Variants in TSHZ2 observed in about 807,000 individuals in gnomAD.
TSHZ2 encodes teashirt zinc finger homeobox 2.
A neutral mutation model predicts 74.4 loss-of-function variants in TSHZ2; 21 were observed. That is an observed-to-expected ratio of 0.28 (90% CI 0.20 to 0.41). The LOEUF is 0.41. Among genes scored for constraint, TSHZ2 ranks in the 10% least tolerant of loss-of-function variants. TSHZ2 has a pLI of 1.00. For synonymous variants in TSHZ2, 540 were observed against 515.3 expected (o/e 1.05, Z -0.65); for missense variants, 1,244 against 1,293.5 (o/e 0.96, Z 0.59).
At chr20:53,343,112 G>T (rs529253514) in intron 2 of TSHZ2, among the ~76,000 whole-genome samples, 1 of 151,682 alleles carries the variant, frequency 6.6e-6, no homozygotes, top group Non-Finnish European at 1.5e-5. Context: ...GATTACAGGC[G>T]TGTGCCACCA....
chr20:53,298,296 A>G (rs920910495), intron 2 of TSHZ2, among the ~76,000 whole-genome samples: 1 of 152,224 alleles, frequency 6.6e-6, no homozygotes, highest in Non-Finnish European at 1.5e-5. Flanking sequence ...CGTAAACAAA[A>G]ATAAACACAA....
At chr20:53,397,019 A>G (rs1039610678) in intron 2 of TSHZ2, among the ~76,000 whole-genome samples, 57 of 152,136 alleles carry the variant, frequency 3.7e-4, no homozygotes, top group African/African-American at 1.4e-3. Context: ...AACCATAAAA[A>G]CCCTAGAAGA....
At chr20:53,236,927 C>T (rs776980265) in intron 1 of TSHZ2, among the ~76,000 whole-genome samples, 1 of 152,140 alleles carries the variant, frequency 6.6e-6, no homozygotes, top group Non-Finnish European at 1.5e-5. Context: ...CTAATCAATT[C>T]CTCCCACAAG....
intron 1 of TSHZ2, among the ~76,000 whole-genome samples, chr20:53,236,791 T>C (rs1041145490): frequency 1.1e-4 from 17 of 152,202 alleles, no homozygotes; most frequent in African/African-American, 4.1e-4. Context: ...AACATGTCCT[T>C]CTTCACATGG....
intron 1 of TSHZ2, among the ~76,000 whole-genome samples, chr20:53,202,376 G>T (rs540366550): frequency 2.7e-4 from 41 of 152,318 alleles, no homozygotes; most frequent in African/African-American, 9.4e-4. Context: ...CGCACAGAAA[G>T]AATTAACCTT....
intron 2 of TSHZ2, chr20:53,273,527 G>A (rs1990880719): frequency 1.3e-5 from 2 of 152,322 alleles, no homozygotes; most frequent in Non-Finnish European, 2.9e-5. Flanking sequence ...GACCTCAGGT[G>A]ATCCACCTGC....
intron 1 of TSHZ2, among the ~76,000 whole-genome samples, chr20:53,115,126 G>A (rs1439697964): frequency 2.0e-5 from 3 of 152,144 alleles, no homozygotes; most frequent in African/African-American, 7.2e-5. Flanking sequence ...CCTACTCCAT[G>A]TCAGGCACTG....
At chr20:53,395,455 T>G (rs529083834) in intron 2 of TSHZ2, among the ~76,000 whole-genome samples, 18 of 152,376 alleles carry the variant, frequency 1.2e-4, no homozygotes, top group Admixed American at 2.0e-4. Context: ...CTGTGACACA[T>G]GTCCAAATGG....
intron 1 of TSHZ2, among the ~76,000 whole-genome samples, chr20:53,186,771 G>C (rs528465194): frequency 6.6e-6 from 1 of 152,254 alleles, no homozygotes; most frequent in African/African-American, 2.4e-5. Context: ...ACCACACGGG[G>C]GAGGGAGGCA....
At chr20:53,355,666 T>C (rs1260474775) in intron 2 of TSHZ2, among the ~76,000 whole-genome samples, 1 of 152,214 alleles carries the variant, frequency 6.6e-6, no homozygotes, top group Admixed American at 6.5e-5. Flanking sequence ...AAAAATGTTC[T>C]AAATTAGATT....
chr20:53,077,383 C>G (rs1244056372), intron 1 of TSHZ2, among the ~76,000 whole-genome samples: 1 of 148,284 alleles, frequency 6.7e-6, no homozygotes, highest in Non-Finnish European at 1.5e-5. Flanking sequence ...TGCACTGCAG[C>G]CAGGATGACA....
At chr20:53,165,714 C>T (rs1358629553) in intron 1 of TSHZ2, among the ~76,000 whole-genome samples, 3 of 152,212 alleles carry the variant, frequency 2.0e-5, no homozygotes, top group Non-Finnish European at 4.4e-5. Context: ...CTAGTTAAGG[C>T]GTAGTTTGTG....
chr20:53,252,157 G>A (rs541940251), intron 1 of TSHZ2, among the ~76,000 whole-genome samples: 8 of 152,164 alleles, frequency 5.3e-5, no homozygotes, highest in East Asian at 1.9e-4. Flanking sequence ...CAGCAGCAGC[G>A]GCAGCCTTTG....
At chr20:53,138,738 C>T (rs962535406) in intron 1 of TSHZ2, among the ~76,000 whole-genome samples, 5 of 152,212 alleles carry the variant, frequency 3.3e-5, no homozygotes, top group African/African-American at 1.2e-4. Flanking sequence ...GGCCTCTGAG[C>T]TGCTACACTC....
At chr20:53,441,383 A>G in intron 2 of TSHZ2, among the ~76,000 whole-genome samples, 1 of 151,556 alleles carries the variant, frequency 6.6e-6, no homozygotes. Flanking sequence ...CTCCTGCCTC[A>G]GCCTCCCAAG....
intron 1 of TSHZ2, among the ~76,000 whole-genome samples, chr20:53,199,908 G>T (rs2123569738): frequency 6.6e-6 from 1 of 152,298 alleles, no homozygotes; most frequent in East Asian, 1.9e-4. Flanking sequence ...CCTGTGAGGA[G>T]TAAATGTGTA....
chr20:53,050,197 AT>A (rs1984409503), intron 1 of TSHZ2, among the ~76,000 whole-genome samples: 1 of 146,654 alleles, frequency 6.8e-6, no homozygotes, highest in East Asian at 2.0e-4. Flanking sequence ...GTATATATAT[AT>A]ATGTATGTAT....
At chr20:53,389,811 G>C (rs61483110) in intron 2 of TSHZ2, among the ~76,000 whole-genome samples, 2,338 of 152,316 alleles carry the variant, frequency 0.015, 53 homozygotes, top group African/African-American at 0.053. Context: ...GTAGAGGCCA[G>C]GAAAGCTGCT....
At chr20:53,290,952 C>T (rs771401768) in intron 2 of TSHZ2, among the ~76,000 whole-genome samples, 5 of 152,284 alleles carry the variant, frequency 3.3e-5, no homozygotes, top group Non-Finnish European at 7.3e-5. Context: ...TGAGGGGTTG[C>T]AATGGAGACT....
Sources: gnomAD v4.1 joint callset for allele counts (sites outside exome capture counted in the v4.1 genomes callset) on GRCh38, gnomAD v4.1.1 for gene constraint, MANE v1.5 for transcripts, NCBI Gene and HGNC (gene_info 2026-07-23, HGNC 2026-07-21) for gene names.